The following DGKB variants were observed in gnomAD, a reference collection of about 807,000 sequenced individuals.
DGKB encodes 90 kDa diacylglycerol kinase.
DGKB carries 67 observed loss-of-function variants against 114.3 expected under a neutral mutation model. That is an observed-to-expected ratio of 0.59 (90% CI 0.48 to 0.72). The LOEUF is 0.72. DGKB is among the 30% of genes least tolerant of loss of function. The pLI is 0.00. For synonymous variants in DGKB, 398 were observed against 323.1 expected (o/e 1.23, Z -2.49); for missense variants, 907 against 975.2 (o/e 0.93, Z 0.93).
chr7:14,841,170 CATA>C, intron 2 of DGKB, 21 bp downstream of exon 2: 2 of 1,581,918 alleles, frequency 1.3e-6, no homozygotes, highest in Non-Finnish European at 1.7e-6. Context: ...CAAATAATCT[CATA>C]ATATCAATAT....
intron 25 of DGKB, among the ~76,000 whole-genome samples, chr7:14,175,759 A>G (rs1290760744): frequency 1.3e-5 from 2 of 152,054 alleles, no homozygotes; most frequent in African/African-American, 4.8e-5. Flanking sequence ...TTAAACTCTT[A>G]CCATTCTCCC....
At chr7:14,548,857 G>A (rs1253643355) in intron 20 of DGKB, among the ~76,000 whole-genome samples, 2 of 151,972 alleles carry the variant, frequency 1.3e-5, no homozygotes, top group African/African-American at 4.8e-5. Flanking sequence ...AAGATTTAGA[G>A]AAGATTGAAT....
At chr7:14,940,258 T>C (rs1042507736) in intron 1 of DGKB, among the ~76,000 whole-genome samples, 8 of 152,146 alleles carry the variant, frequency 5.3e-5, no homozygotes, top group Non-Finnish European at 2.9e-5. Context: ...AAATAGGGCA[T>C]GTGACAGTTT....
chr7:14,327,461 C>T (rs1808944371), intron 23 of DGKB, among the ~76,000 whole-genome samples: 1 of 151,898 alleles, frequency 6.6e-6, no homozygotes, highest in Non-Finnish European at 1.5e-5. Flanking sequence ...TATCTAACTG[C>T]ACAAATGTAT....
chr7:14,630,292 T>C lies in DGKB; in HGVS notation c.1135-24A>G, dbSNP rs759395959. Reference sequence around the variant, plus strand: ...GTCTGCTGAAAAAGAGAAGTTCATATGAAAGCTGAAAAAGAGTCAAACTCA... The same window carrying C: ...GTCTGCTGAAAAAGAGAAGTTCATACGAAAGCTGAAAAAGAGTCAAACTCA... On this transcript the variant is annotated intron_variant, in intron 13 of 25. Transcript: ENST00000402815. The C allele has an allele frequency of 5.8e-6, 9 of 1,540,946 alleles. No homozygotes were observed. The Admixed American group carries it at 6.1e-5, about 11-fold the overall frequency.
At chr7:14,183,636 C>G (rs567786314) in intron 23 of DGKB, among the ~76,000 whole-genome samples, 1 of 152,266 alleles carries the variant, frequency 6.6e-6, no homozygotes, top group South Asian at 2.1e-4. Context: ...GTATTATTCT[C>G]CTCATTTTAT....
rs921278594 is a variant in DGKB, at chr7:14,556,005, A to G, written c.1770+18207T>C. 4.6e-5 allele frequency among the ~76,000 whole-genome samples: 7 copies of G among 152,182 alleles called. 1 individual carries two copies. The highest frequency in any genetic ancestry group is 3.3e-4 in the Admixed American group (5 of 15,274). ...ATTCTTTCATTCCTTTGCTTTCTTA[A>G]TAAACTTGCTTTCACTTTGTAGTGA... On this transcript the variant is annotated intron_variant, in intron 20 of 25. Coordinates refer to ENST00000402815, the MANE Select transcript of DGKB (RefSeq NM_001350709.2).
At position 14,456,625 on chromosome 7, in the gene DGKB, ATTGT is replaced by A. The variant is rs371840632; in HGVS notation, c.1835+21532_1835+21535del. On this transcript the variant is annotated intron_variant, in intron 21 of 25. Coordinates refer to ENST00000402815, the MANE Select transcript of DGKB (RefSeq NM_001350709.2). Reference sequence around the variant, plus strand: ...AATCACTTCTTACATTATTTTTCCAATTGTTTGTCTTCCCAAGAGTTGTGCTAAC... The same window carrying A: ...AATCACTTCTTACATTATTTTTCCAATTGTCTTCCCAAGAGTTGTGCTAAC... Among the ~76,000 whole-genome samples, 100 of 152,116 alleles carry A rather than the reference ATTGT, an allele frequency of 6.6e-4. No individual in the cohort carries two copies. In the East Asian group the frequency reaches 0.015, roughly 23 times the overall value.
intron 1 of DGKB, among the ~76,000 whole-genome samples, chr7:14,887,271 T>C (rs1780439727): frequency 6.6e-6 from 1 of 151,876 alleles, no homozygotes; most frequent in South Asian, 2.1e-4. Context: ...TCTGCAATCA[T>C]CTTGCTGATC....
chr7:14,835,690 C>T (rs1011562321), intron 2 of DGKB, among the ~76,000 whole-genome samples: 1 of 151,884 alleles, frequency 6.6e-6, no homozygotes, highest in African/African-American at 2.4e-5. Flanking sequence ...GAGGTCAAGT[C>T]TCTCTCTCTC....
chr7:14,686,523 T>C (rs1821712794), intron 9 of DGKB, among the ~76,000 whole-genome samples: 1 of 152,186 alleles, frequency 6.6e-6, no homozygotes, highest in Non-Finnish European at 1.5e-5. Flanking sequence ...TAATAATTTC[T>C]GAGCATGTTT....
chr7:14,537,421 C>T (rs1202810977), intron 20 of DGKB, among the ~76,000 whole-genome samples: 1 of 152,104 alleles, frequency 6.6e-6, no homozygotes, highest in Non-Finnish European at 1.5e-5. Flanking sequence ...TAGTCTAGTA[C>T]TGACATAAAG....
chr7:14,522,523 G>C (rs1370877916), intron 20 of DGKB, among the ~76,000 whole-genome samples: 1 of 152,118 alleles, frequency 6.6e-6, no homozygotes, highest in African/African-American at 2.4e-5. Context: ...ACTTAAACTG[G>C]TGATACTCCA....
At chr7:14,940,854 G>A (rs1445071088) in intron 1 of DGKB, among the ~76,000 whole-genome samples, 6 of 151,404 alleles carry the variant, frequency 4.0e-5, no homozygotes, top group South Asian at 2.1e-4. Flanking sequence ...GTTTAGATAC[G>A]TAGCTTTGGA....
At chr7:14,920,289 G>A (rs575581173) in intron 1 of DGKB, among the ~76,000 whole-genome samples, 1 of 152,064 alleles carries the variant, frequency 6.6e-6, no homozygotes, top group South Asian at 2.1e-4. Context: ...AATATACAAC[G>A]AATTCTTGAA....
At chr7:14,481,343 T>C (rs770532165) in intron 20 of DGKB, among the ~76,000 whole-genome samples, 1 of 151,992 alleles carries the variant, frequency 6.6e-6, no homozygotes, top group Non-Finnish European at 1.5e-5. Flanking sequence ...CTATGGATCA[T>C]AACATTTTCA....
chr7:14,833,471 A>G (rs1007657597), intron 2 of DGKB, among the ~76,000 whole-genome samples: 1 of 152,092 alleles, frequency 6.6e-6, no homozygotes, highest in Non-Finnish European at 1.5e-5. Context: ...ATCATGTTTC[A>G]GGAATAGGAA....
intron 1 of DGKB, among the ~76,000 whole-genome samples, chr7:14,889,428 A>G (rs1175205882): frequency 6.6e-6 from 1 of 151,552 alleles, no homozygotes; most frequent in East Asian, 1.9e-4. Context: ...ACACCTCTGC[A>G]TTTTATTTCT....
chr7:14,183,785 T>C (rs1379665567), intron 23 of DGKB, among the ~76,000 whole-genome samples: 3 of 152,224 alleles, frequency 2.0e-5, no homozygotes, highest in Non-Finnish European at 4.4e-5. Flanking sequence ...AACAGTTCTC[T>C]TGGATCATCA....
Sources: gnomAD v4.1 joint callset for allele counts (sites outside exome capture counted in the v4.1 genomes callset) on GRCh38, gnomAD v4.1.1 for gene constraint, MANE v1.5 for transcripts, NCBI Gene and HGNC (gene_info 2026-07-23, HGNC 2026-07-21) for gene names.